NECAB1: variants seen among roughly 807,000 people sequenced by gnomAD.
NECAB1 encodes the protein N-terminal EF-hand calcium-binding protein 1.
A neutral mutation model predicts 57.5 loss-of-function variants in NECAB1; 29 were observed. That is an observed-to-expected ratio of 0.50 (90% CI 0.38 to 0.69). The LOEUF is 0.69. Ranked by LOEUF, NECAB1 falls within the 30% of genes least tolerant of loss-of-function variation. The pLI is 0.00. For synonymous variants in NECAB1, 142 were observed against 147.7 expected, an observed-to-expected ratio of 0.96 and a Z score of 0.28; for missense variants, 372 against 413.8, an observed-to-expected ratio of 0.90 and a Z score of 0.88.
At chr8:90,807,190 A>AAT (rs1263411616) in intron 2 of NECAB1, among the ~76,000 whole-genome samples, 1 of 152,218 alleles carries the variant, frequency 6.6e-6, no homozygotes, top group Non-Finnish European at 1.5e-5. Flanking sequence ...AATGACTAAT[A>AAT]CACCTCCAGA....
Position 90,959,111 on chromosome 8 carries a change from G to T in NECAB1, c.*3599G>T. 1.6e-6 allele frequency: 1 copy of T among 620,410 alleles called. No individual in the cohort carries two copies. Among genetic ancestry groups the T allele is most frequent in the Non-Finnish European group, 2.7e-6 (1 of 369,980 alleles). The allele number at this position is 620,410 out of a possible 1,614,324, so 38.4% of individuals were successfully genotyped here. Reference sequence around the variant, plus strand: ...ATTAGTTTATCAAACCAAATACTGTGAACGTACCAGGTGTTTACAGATTTA... The same window carrying T: ...ATTAGTTTATCAAACCAAATACTGTTAACGTACCAGGTGTTTACAGATTTA... On this transcript the variant is annotated 3_prime_UTR_variant, in exon 13 of 13. Coordinates refer to ENST00000417640, the MANE Select transcript of NECAB1 (RefSeq NM_022351.5).
intron 5 of NECAB1, among the ~76,000 whole-genome samples, chr8:90,906,653 T>C (rs1809657871): frequency 1.3e-5 from 2 of 152,004 alleles, no homozygotes; most frequent in Admixed American, 6.6e-5. Context: ...TTACCTTTTA[T>C]AGTGCATTCT....
At chr8:90,927,724 C>T (rs934164257) in intron 7 of NECAB1, among the ~76,000 whole-genome samples, 2 of 151,312 alleles carry the variant, frequency 1.3e-5, no homozygotes, top group African/African-American at 4.9e-5. Flanking sequence ...CTCTTAACCA[C>T]TATGCCATGA....
At chr8:90,829,266 G>GAATA (rs1203345910) in intron 3 of NECAB1, among the ~76,000 whole-genome samples, 1 of 152,008 alleles carries the variant, frequency 6.6e-6, no homozygotes, top group Non-Finnish European at 1.5e-5. Context: ...TAAAGAGCAA[G>GAATA]AATAAATACA....
intron 9 of NECAB1, among the ~76,000 whole-genome samples, chr8:90,939,691 C>T (rs1810623748): frequency 6.6e-6 from 1 of 152,154 alleles, no homozygotes; most frequent in African/African-American, 2.4e-5. Context: ...GAAATTAACC[C>T]TACTTAGTTA....
At chr8:90,932,746 A>G (rs1348977901) in intron 8 of NECAB1, among the ~76,000 whole-genome samples, 1 of 152,188 alleles carries the variant, frequency 6.6e-6, no homozygotes, top group African/African-American at 2.4e-5. Flanking sequence ...GATAGTCTGG[A>G]TTTCTACAGT....
At chr8:90,940,942 G>T in intron 10 of NECAB1, 44 bp downstream of exon 10, 1 of 1,388,760 alleles carries the variant, frequency 7.2e-7, no homozygotes, top group South Asian at 1.2e-5. Context: ...GGCAGCCTGG[G>T]AATACAGTGA....
chr8:90,834,759 T>C (rs1375387559), intron 3 of NECAB1, among the ~76,000 whole-genome samples: 2 of 152,134 alleles, frequency 1.3e-5, no homozygotes, highest in Non-Finnish European at 2.9e-5. Flanking sequence ...AACCTCACAA[T>C]CTTGAGATAA....
At chr8:90,861,597 CATAATTAT>C (rs1808380189) in intron 3 of NECAB1, among the ~76,000 whole-genome samples, 1 of 152,114 alleles carries the variant, frequency 6.6e-6, no homozygotes, top group African/African-American at 2.4e-5. Context: ...TCTGCTGAAG[CATAATTAT>C]CTAAGTGTCT....
At chr8:90,916,152 T>G (rs1809945941) in intron 5 of NECAB1, among the ~76,000 whole-genome samples, 2 of 152,238 alleles carry the variant, frequency 1.3e-5, no homozygotes, top group Admixed American at 1.3e-4. Flanking sequence ...TTTCCTGTGT[T>G]GTTCACCTGT....
At chr8:90,889,975 G>GTA (rs1372031548) in intron 5 of NECAB1, among the ~76,000 whole-genome samples, 2 of 151,978 alleles carry the variant, frequency 1.3e-5, no homozygotes, top group Non-Finnish European at 2.9e-5. Flanking sequence ...GTGTGTGTGT[G>GTA]TTTGTGTGTG....
intron 5 of NECAB1, among the ~76,000 whole-genome samples, chr8:90,896,904 A>G (rs1809361092): frequency 6.6e-6 from 1 of 151,970 alleles, no homozygotes; most frequent in Non-Finnish European, 1.5e-5. Context: ...AAATTAGCCA[A>G]TTAGAATTAG....
intron 10 of NECAB1, 41 bp downstream of exon 10, chr8:90,940,939 T>C: frequency 7.0e-7 from 1 of 1,435,062 alleles, no homozygotes; most frequent in East Asian, 2.5e-5. Context: ...TTTGGCAGCC[T>C]GGGAATACAG....
intron 5 of NECAB1, among the ~76,000 whole-genome samples, chr8:90,885,901 A>G (rs765608354): frequency 6.6e-6 from 1 of 152,208 alleles, no homozygotes; most frequent in Admixed American, 6.5e-5. Context: ...TTTGTTTTTG[A>G]CAAATGAATA....
chr8:90,833,688 A>G (rs190194433), intron 3 of NECAB1, among the ~76,000 whole-genome samples: 5 of 152,274 alleles, frequency 3.3e-5, no homozygotes, highest in African/African-American at 9.6e-5. Context: ...ATCAATATCC[A>G]CCAGATGGAT....
At chr8:90,908,066 A>G (rs1809737643) in intron 5 of NECAB1, among the ~76,000 whole-genome samples, 1 of 152,204 alleles carries the variant, frequency 6.6e-6, no homozygotes, top group African/African-American at 2.4e-5. Flanking sequence ...TGAAAAATGT[A>G]TTTGTGTCTG....
At chr8:90,793,106 ATTTG>A (rs1309322522) in intron 1 of NECAB1, among the ~76,000 whole-genome samples, 2 of 152,120 alleles carry the variant, frequency 1.3e-5, no homozygotes, top group Non-Finnish European at 2.9e-5. Flanking sequence ...AGCCAGATAC[ATTTG>A]TTTGTGGAGA....
chr8:90,930,199 T>G (rs1483082182), intron 8 of NECAB1, among the ~76,000 whole-genome samples: 1 of 152,104 alleles, frequency 6.6e-6, no homozygotes, highest in Admixed American at 6.6e-5. Context: ...AAATCAGGTA[T>G]GATATGAGAT....
intron 3 of NECAB1, among the ~76,000 whole-genome samples, chr8:90,840,783 AATTGCAGTAC>A (rs1812441104): frequency 6.6e-6 from 1 of 152,108 alleles, no homozygotes; most frequent in Admixed American, 6.5e-5. Flanking sequence ...ACAACGGGAA[AATTGCAGTAC>A]CAGCGAAGCC....
Sources: allele counts gnomAD v4.1 joint callset (sites outside exome capture counted in the v4.1 genomes callset), GRCh38; gene constraint gnomAD v4.1.1; transcripts MANE v1.5; gene names NCBI Gene and HGNC (gene_info 2026-07-23, HGNC 2026-07-21).